Variants in TSHZ1 observed in about 807,000 individuals in gnomAD.
TSHZ1 encodes the protein teashirt homolog 1.
A neutral mutation model predicts 67.1 loss-of-function variants in TSHZ1; 12 were observed. The ratio of observed to expected loss-of-function variants is 0.18; its 90% CI spans 0.11 to 0.29. TSHZ1 has a LOEUF of 0.29. Ranked by LOEUF, TSHZ1 falls within the 10% of genes least tolerant of loss-of-function variation. The probability of loss-of-function intolerance (pLI) is 1.00; values close to 1 mark genes in which losing one functional copy is unlikely to be tolerated. For synonymous variants in TSHZ1, 632 were observed against 622.4 expected (o/e 1.02, Z -0.23); for missense variants, 1,305 against 1,413.9 (o/e 0.92, Z 1.23).
chr18:75,277,512 T>C (rs34981053), intron 1 of TSHZ1, among the ~76,000 whole-genome samples: 4,607 of 152,130 alleles, frequency 0.03, 82 homozygotes, highest in East Asian at 0.075. Flanking sequence ...AGTTCTGGGC[T>C]TGGGAGGTGG....
At chr18:75,247,710 G>A (rs188760482) in intron 1 of TSHZ1, among the ~76,000 whole-genome samples, 122 of 152,202 alleles carry the variant, frequency 8.0e-4, no homozygotes, top group Admixed American at 2.2e-3. Flanking sequence ...AGGGAGAGAC[G>A]GAGGAGCAGT....
chr18:75,222,366 T>C (rs1015229253), intron 1 of TSHZ1, among the ~76,000 whole-genome samples: 2 of 152,180 alleles, frequency 1.3e-5, no homozygotes, highest in Admixed American at 1.3e-4. Context: ...GTTTGTAACT[T>C]GTCTTTTCTC....
intron 1 of TSHZ1, among the ~76,000 whole-genome samples, chr18:75,267,998 A>G (rs2023511971): frequency 6.6e-6 from 1 of 152,246 alleles, no homozygotes; most frequent in Non-Finnish European, 1.5e-5. Context: ...CTGTCAGTCA[A>G]ATGCTCAGAA....
At chr18:75,251,495 T>TTTG (rs2023304030) in intron 1 of TSHZ1, among the ~76,000 whole-genome samples, 3 of 98,936 alleles carry the variant, frequency 3.0e-5, no homozygotes, top group Non-Finnish European at 6.6e-5. Flanking sequence ...TCTTTAGGGT[T>TTTG]TTTTTTTTTT....
chr18:75,258,015 G>A lies in TSHZ1; in HGVS notation c.41-27433G>A, dbSNP rs139290249. Among the ~76,000 whole-genome samples, 166 of 152,292 alleles carry A rather than the reference G, an allele frequency of 1.1e-3. 2 individuals are homozygous for A. The East Asian group carries it at 0.027, about 25-fold the overall frequency. On this transcript the variant is annotated intron_variant, in intron 1 of 1. Transcript: ENST00000580243. ...GCAGAGCGGGAAGAGAGGAATTCCC[G>A]GCCTGTGGAGCAGTGCTCCTGGAGG...
chr18:75,265,146 C>T (rs1368378179), intron 1 of TSHZ1, among the ~76,000 whole-genome samples: 1 of 152,132 alleles, frequency 6.6e-6, no homozygotes, highest in African/African-American at 2.4e-5. Context: ...TCTTCTTTCC[C>T]TTTTATCTCG....
At chr18:75,246,108 C>T (rs962216097) in intron 1 of TSHZ1, among the ~76,000 whole-genome samples, 4 of 152,238 alleles carry the variant, frequency 2.6e-5, no homozygotes, top group Non-Finnish European at 5.9e-5. Flanking sequence ...AAGACCTGCG[C>T]TTCACGTTTT....
chr18:75,248,768 A>T (rs891119440), intron 1 of TSHZ1, among the ~76,000 whole-genome samples: 2 of 152,194 alleles, frequency 1.3e-5, no homozygotes, highest in Non-Finnish European at 2.9e-5. Flanking sequence ...ACAATACATC[A>T]TGTGTTTGCC....
chr18:75,287,946 C>T lies in TSHZ1; in HGVS notation c.2539C>T (p.Leu847Phe), dbSNP rs761651466. ...LMDISDMVKN[L>F]TGRLTPKSST... ...GGACATCTCCGACATGGTGAAAAAC[C>T]TCACAGGCCGCCTGACGCCCAAGTC... The change falls in exon 2 of 2, where the codon CTC becomes TTC. Residue 847 changes from leucine to phenylalanine, a missense_variant. Coordinates refer to ENST00000580243, the MANE Select transcript of TSHZ1 (RefSeq NM_001308210.2). This position sits in a 1 kb window ranked among gnomAD's most constrained non-coding sequence, Gnocchi z 5.0. 2 of 1,614,236 alleles carry T rather than the reference C, an allele frequency of 1.2e-6. No individual in the cohort carries two copies. The highest frequency in any genetic ancestry group is 4.5e-5 in the East Asian group (2 of 44,880).
intron 1 of TSHZ1, among the ~76,000 whole-genome samples, chr18:75,242,041 G>A (rs2023163192): frequency 6.6e-6 from 1 of 151,114 alleles, no homozygotes; most frequent in South Asian, 2.1e-4. Context: ...ATGAATTTTA[G>A]AGGACACTAT....
At chr18:75,255,071 CCTT>C (rs2023346950) in intron 1 of TSHZ1, among the ~76,000 whole-genome samples, 1 of 152,094 alleles carries the variant, frequency 6.6e-6, no homozygotes, top group African/African-American at 2.4e-5. Flanking sequence ...ATGAAACACA[CCTT>C]CTGTATCTGT....
intron 1 of TSHZ1, among the ~76,000 whole-genome samples, chr18:75,279,589 G>A (rs983033774): frequency 6.6e-6 from 1 of 152,112 alleles, no homozygotes; most frequent in African/African-American, 2.4e-5. Context: ...GGTGGGAGGC[G>A]GCCACTGTGG....
rs759206150 is a variant in TSHZ1, at chr18:75,288,175, C to T, written c.2768C>T (p.Pro923Leu). 3.0e-5 allele frequency: 48 copies of T among 1,614,024 alleles called. 1 individual carries two copies. The highest frequency in any genetic ancestry group is 9.9e-5 in the South Asian group (9 of 91,084). The change falls in exon 2 of 2, where the codon CCG (proline) becomes CTG (leucine). Residue 923 changes from proline (P) to leucine (L), a missense_variant. By Grantham distance (98) the Pro-to-Leu change is moderately conservative. Transcript: ENST00000580243. This position sits in a 1 kb window ranked among gnomAD's most constrained non-coding sequence, Gnocchi z 4.9. ...EGKYIMSDLGPQERVHISKFT... is the reference protein window; with the variant it reads ...EGKYIMSDLGLQERVHISKFT... Reference sequence around the variant, plus strand: ...AAGTACATCATGTCGGACTTGGGCCCGCAGGAGAGGGTGCACATCTCGAAG... The same window carrying T: ...AAGTACATCATGTCGGACTTGGGCCTGCAGGAGAGGGTGCACATCTCGAAG...
In TSHZ1 at chr18:75,272,188, G is replaced by A. The variant is rs550845630; in HGVS notation, c.41-13260G>A. On this transcript the variant is annotated intron_variant, in intron 1 of 1. Transcript: ENST00000580243. The stretch of plus-strand genomic sequence containing the variant: ...GATGGGAGCCCTAATGAGAATGCTC[G>A]GATGTATAGTTTATCAGATAGAAGA... Among the ~76,000 whole-genome samples, 14 of 152,352 alleles carry A rather than the reference G, an allele frequency of 9.2e-5. No individual in the cohort carries two copies. In the South Asian group the frequency reaches 1.2e-3, roughly 14 times the overall value.
At chr18:75,213,048 C>T (rs2581650) in intron 1 of TSHZ1, among the ~76,000 whole-genome samples, 152,312 of 152,384 alleles carry the variant, frequency 1, 76,120 homozygotes, top group Non-Finnish European at 1. Context: ...TGTTGCAGTA[C>T]AGAATAGAAT....
chr18:75,212,907 T>C (rs2022717898), intron 1 of TSHZ1, among the ~76,000 whole-genome samples: 1 of 152,240 alleles, frequency 6.6e-6, no homozygotes, highest in Non-Finnish European at 1.5e-5. Context: ...ATTGCGTTTG[T>C]GGGGCTGAGA....
At chr18:75,256,335 A>G (rs2023361411) in intron 1 of TSHZ1, among the ~76,000 whole-genome samples, 1 of 152,240 alleles carries the variant, frequency 6.6e-6, no homozygotes, top group South Asian at 2.1e-4. Flanking sequence ...GAAATCAGAC[A>G]GATCAAAGTG....
chr18:75,226,094 C>T (rs766643887), intron 1 of TSHZ1, among the ~76,000 whole-genome samples: 2 of 152,122 alleles, frequency 1.3e-5, no homozygotes, highest in Non-Finnish European at 2.9e-5. Context: ...ATTTTCAAGG[C>T]AAAATCTTAC....
rs1036840310 is a variant in TSHZ1 at position 75,288,005 on chromosome 18, T to C, written c.2598T>C (p.Asp866=). The C allele has an allele frequency of 5.0e-6, 8 of 1,614,082 alleles. No homozygotes were observed. The highest frequency in any genetic ancestry group is 2.2e-5 in the East Asian group (1 of 44,892). The change falls in exon 2 of 2, where the codon GAT becomes GAC. Residue 866 remains aspartate (D), a synonymous_variant. Transcript: ENST00000580243. This position sits in a 1 kb window ranked among gnomAD's most constrained non-coding sequence, Gnocchi z 4.9. ...CCTCCACAGTTTCAGAGAAGTCCGA[T>C]GCTGATGGCAGCAGCTTTGAGGAGG... ...STPSTVSEKS[D]ADGSSFEEAL... is the part of the protein sequence containing the mutation.
Sources: gnomAD v4.1 joint callset for allele counts (sites outside exome capture counted in the v4.1 genomes callset) on GRCh38, gnomAD v4.1.1 for gene constraint, Gnocchi (gnomAD v3.1) non-coding constraint, MANE v1.5 for transcripts, NCBI Gene and HGNC (gene_info 2026-07-23, HGNC 2026-07-21) for gene names.